The following ADAMTS18 variants were observed in gnomAD, a reference collection of about 807,000 sequenced individuals.
ADAMTS18 encodes A disintegrin and metalloproteinase with thrombospondin motifs 18.
ADAMTS18 carries 157 observed loss-of-function variants against 165.9 expected under a neutral mutation model. The observed-to-expected ratio is 0.95, with a 90% confidence interval of 0.83 to 1.08. The LOEUF is 1.08. Ranked by LOEUF, ADAMTS18 falls within the 50% of genes least tolerant of loss-of-function variation. The probability of loss-of-function intolerance (pLI) is 0.00; values close to 1 mark genes in which losing one functional copy is unlikely to be tolerated. For synonymous variants in ADAMTS18, 782 were observed against 578.2 expected (o/e 1.35, Z -5.06); for missense variants, 2,040 against 1,534.0 (o/e 1.33, Z -5.51).
chr16:77,431,028 C>T (rs905776065), intron 3 of ADAMTS18, among the ~76,000 whole-genome samples: 1 of 152,196 alleles, frequency 6.6e-6, no homozygotes, highest in Non-Finnish European at 1.5e-5. Flanking sequence ...AAGTTAATTT[C>T]CTTGGGGATC....
chr16:77,353,623 A>G, intron 10 of ADAMTS18, 110 bp downstream of exon 10: 3 of 1,449,566 alleles, frequency 2.1e-6, no homozygotes, highest in Non-Finnish European at 2.9e-6. Context: ...CGGTAGAGAT[A>G]ACCCAGAACC....
intron 9 of ADAMTS18, among the ~76,000 whole-genome samples, chr16:77,355,079 C>T (rs2056608420): frequency 6.6e-6 from 1 of 152,128 alleles, no homozygotes; most frequent in South Asian, 2.1e-4. Flanking sequence ...CACAGTGGTA[C>T]AGGTTAAAAA....
intron 3 of ADAMTS18, among the ~76,000 whole-genome samples, chr16:77,425,280 G>A (rs1428320092): frequency 6.6e-6 from 1 of 152,152 alleles, no homozygotes; most frequent in Non-Finnish European, 1.5e-5. Flanking sequence ...AGAGAAACGA[G>A]GGGAAACCGA....
At chr16:77,413,283 G>A (rs1325848112) in intron 3 of ADAMTS18, among the ~76,000 whole-genome samples, 1 of 152,064 alleles carries the variant, frequency 6.6e-6, no homozygotes, top group Non-Finnish European at 1.5e-5. Flanking sequence ...CCAGGACTCA[G>A]CAAGGGAATA....
At chr16:77,379,474 GCTAT>G (rs559850271) in intron 3 of ADAMTS18, among the ~76,000 whole-genome samples, 110 of 152,072 alleles carry the variant, frequency 7.2e-4, no homozygotes, top group African/African-American at 2.0e-3. Context: ...TTATATGCTG[GCTAT>G]CTGTTTATTT....
chr16:77,320,242 G>A (rs1246257013), intron 15 of ADAMTS18, 149 bp from the exon 16 acceptor site: 2 of 1,006,492 alleles, frequency 2.0e-6, no homozygotes, highest in East Asian at 2.5e-5. Flanking sequence ...AAGTAAACAT[G>A]ATCAATGATT....
chr16:77,352,163 T>A (rs1033680576), intron 10 of ADAMTS18, among the ~76,000 whole-genome samples: 1 of 152,064 alleles, frequency 6.6e-6, no homozygotes, highest in African/African-American at 2.4e-5. Context: ...GAAACTGTAA[T>A]AGAAAAAAAA....
At chr16:77,288,798 C>T (rs919252008) in intron 22 of ADAMTS18, among the ~76,000 whole-genome samples, 2 of 152,096 alleles carry the variant, frequency 1.3e-5, no homozygotes, top group African/African-American at 4.8e-5. Flanking sequence ...TAAATATTCC[C>T]TTCAGACCCA....
intron 12 of ADAMTS18, among the ~76,000 whole-genome samples, chr16:77,333,081 T>A (rs994346096): frequency 3.3e-5 from 5 of 152,176 alleles, no homozygotes; most frequent in African/African-American, 7.2e-5. Flanking sequence ...ATTATATGAC[T>A]GTAGAACCCT....
chr16:77,320,942 G>A (rs932999098), intron 15 of ADAMTS18, 137 bp downstream of exon 15: 20 of 1,089,536 alleles, frequency 1.8e-5, no homozygotes, highest in Admixed American at 3.4e-5. Flanking sequence ...CCTTACTCTT[G>A]CACAAGTGAA....
intron 3 of ADAMTS18, among the ~76,000 whole-genome samples, chr16:77,369,255 A>C (rs529011603): frequency 6.6e-6 from 1 of 152,282 alleles, no homozygotes; most frequent in Non-Finnish European, 1.5e-5. Context: ...TCTAAGCTAA[A>C]GATTTGTCAA....
At chr16:77,362,564 A>T (rs1366540) in intron 6 of ADAMTS18, among the ~76,000 whole-genome samples, 39,537 of 152,132 alleles carry the variant, frequency 0.26, 5,793 homozygotes, top group East Asian at 0.57. Context: ...AAACCGTTAC[A>T]ACTTTTAAAA....
In ADAMTS18 at chr16:77,431,339, T is replaced by C; in HGVS notation, c.451A>G (p.Asn151Asp). 6.2e-7 allele frequency: 1 copy of C among 1,614,138 alleles called. No individual in the cohort carries two copies. Among genetic ancestry groups the C allele is most frequent in the Non-Finnish European group, 8.5e-7 (1 of 1,180,018 alleles). ...ACAGCGACAGAGGAGGAGCTGTCAT[T>C]TCTGATAAATCCCTGATAGAAGCAT... The part of the protein sequence containing the change: ...QQCFYQGFIR[N>D]DSSSSVAVST... Residue 151 changes from asparagine (N) to aspartate (D), a missense_variant, in exon 3 of 23, where the codon AAT (asparagine) becomes GAT (aspartate). Asn to Asp is a conservative substitution (Grantham distance 23). Coordinates refer to ENST00000282849, the MANE Select transcript of ADAMTS18 (RefSeq NM_199355.4).
At chr16:77,319,438 C>T (rs931388513) in intron 16 of ADAMTS18, among the ~76,000 whole-genome samples, 3 of 152,046 alleles carry the variant, frequency 2.0e-5, no homozygotes, top group African/African-American at 7.2e-5. Context: ...TATTAGGAAA[C>T]ACCTTTTGTT....
At chr16:77,330,587 T>C (rs2056171766) in intron 12 of ADAMTS18, among the ~76,000 whole-genome samples, 1 of 152,128 alleles carries the variant, frequency 6.6e-6, no homozygotes, top group Non-Finnish European at 1.5e-5. Context: ...AGAAGGACAT[T>C]GGGAAGGTCC....
At chr16:77,347,789 T>C (rs1448625875) in intron 10 of ADAMTS18, among the ~76,000 whole-genome samples, 1 of 152,182 alleles carries the variant, frequency 6.6e-6, no homozygotes, top group African/African-American at 2.4e-5. Flanking sequence ...GTAGATAATA[T>C]GAGAGGCAGT....
At chr16:77,432,929 A>G (rs757586213) in intron 2 of ADAMTS18, among the ~76,000 whole-genome samples, 1 of 152,092 alleles carries the variant, frequency 6.6e-6, no homozygotes, top group Non-Finnish European at 1.5e-5. Context: ...GGCAGCTTTC[A>G]TTTTTATATT....
intron 22 of ADAMTS18, among the ~76,000 whole-genome samples, chr16:77,285,121 A>T (rs139659216): frequency 1.7e-4 from 25 of 151,176 alleles, no homozygotes; most frequent in African/African-American, 5.9e-4. Context: ...AGGAAATGCA[A>T]GTGAATGGGT....
At chr16:77,318,106 C>A (rs886894990) in intron 16 of ADAMTS18, among the ~76,000 whole-genome samples, 1 of 152,146 alleles carries the variant, frequency 6.6e-6, no homozygotes, top group Admixed American at 6.6e-5. Context: ...AATCATCGGA[C>A]AAGTTTATGA....
Sources: gnomAD v4.1 joint callset for allele counts (sites outside exome capture counted in the v4.1 genomes callset) on GRCh38, gnomAD v4.1.1 for gene constraint, MANE v1.5 for transcripts, NCBI Gene and HGNC (gene_info 2026-07-23, HGNC 2026-07-21) for gene names.